The following SLC4A10 variants were observed in gnomAD, a reference collection of about 807,000 sequenced individuals.
SLC4A10 encodes the protein solute carrier family 4 member 10.
In SLC4A10, 42 loss-of-function variants were observed where a neutral mutation model predicts 137.7. The observed-to-expected ratio is 0.30, with a 90% confidence interval of 0.24 to 0.39. The LOEUF (loss-of-function observed/expected upper bound fraction) is 0.39. Ranked by LOEUF, SLC4A10 falls within the 10% of genes least tolerant of loss-of-function variation. The pLI is 1.00. For missense variants in SLC4A10, 925 were observed against 1,355.0 expected (o/e 0.68, Z 4.98); for synonymous variants, 474 against 464.1 (o/e 1.02, Z -0.27).
At chr2:161,723,041 T>C (rs3911105) in intron 1 of SLC4A10, among the ~76,000 whole-genome samples, 144,991 of 152,184 alleles carry the variant, frequency 0.95, 69,102 homozygotes, top group East Asian at 1. Context: ...GGAAAGCGGC[T>C]GACTGATGCT....
At chr2:161,650,690 C>A (rs1056084213) in intron 1 of SLC4A10, among the ~76,000 whole-genome samples, 1 of 152,190 alleles carries the variant, frequency 6.6e-6, no homozygotes, top group Non-Finnish European at 1.5e-5. Context: ...AGCCCAGGTG[C>A]GGTTGCAACC....
intron 6 of SLC4A10, among the ~76,000 whole-genome samples, chr2:161,866,383 A>G (rs1370874296): frequency 6.6e-6 from 1 of 151,970 alleles, no homozygotes; most frequent in Admixed American, 6.6e-5. Context: ...ATCTCTAAAC[A>G]CACTAGTTCA....
chr2:161,887,065 G>A (rs1042987968), intron 10 of SLC4A10, among the ~76,000 whole-genome samples: 1 of 151,968 alleles, frequency 6.6e-6, no homozygotes, highest in Non-Finnish European at 1.5e-5. Flanking sequence ...TCCTGTGTTA[G>A]TTTGCTGAGA....
intron 16 of SLC4A10, among the ~76,000 whole-genome samples, chr2:161,946,802 T>C (rs549781198): frequency 1.1e-4 from 16 of 152,184 alleles, no homozygotes; most frequent in Admixed American, 1.1e-3. Flanking sequence ...AAATAATCCA[T>C]GGAGAAGTCA....
In SLC4A10 at chr2:161,976,816, G is replaced by A; in HGVS notation, c.3284G>A (p.Arg1095Lys). 1 of 1,606,110 alleles carries A rather than the reference G, an allele frequency of 6.2e-7. No individual in the cohort carries two copies. Among genetic ancestry groups the A allele is most frequent in the Non-Finnish European group, 8.5e-7 (1 of 1,176,126 alleles). Residue 1095 changes from arginine (R) to lysine (K), a missense_variant, in exon 25 of 27, where the codon AGG (arginine) becomes AAG (lysine). Physicochemically the swap from Arg to Lys is conservative, Grantham distance 26. Transcript: ENST00000446997. ...SDEMSKTALW[R>K]NLLITADNSK... is the part of the protein sequence containing the mutation. Reference sequence around the variant, plus strand: ...GAAATGTCAAAGACTGCCTTGTGGAGGAACCTTCTGATTACTGCCGATAAC... The same window carrying A: ...GAAATGTCAAAGACTGCCTTGTGGAAGAACCTTCTGATTACTGCCGATAAC...
chr2:161,750,145 CTTAG>C (rs895665867), intron 1 of SLC4A10, among the ~76,000 whole-genome samples: 40 of 151,008 alleles, frequency 2.6e-4, no homozygotes, highest in African/African-American at 5.1e-4. Flanking sequence ...CTCTTTTTTT[CTTAG>C]TTAGTCTAGC....
intron 23 of SLC4A10, among the ~76,000 whole-genome samples, chr2:161,966,735 CAAA>C (rs11322395): frequency 8.0e-6 from 1 of 125,634 alleles, no homozygotes; most frequent in Non-Finnish European, 1.8e-5. Flanking sequence ...GACTCCGTCT[CAAA>C]AAAAAAAAAA....
At chr2:161,904,502 C>A (rs1275583690) in intron 13 of SLC4A10, among the ~76,000 whole-genome samples, 1 of 152,156 alleles carries the variant, frequency 6.6e-6, no homozygotes, top group Non-Finnish European at 1.5e-5. Flanking sequence ...ATGTTTCTGT[C>A]CAGACACTAA....
intron 9 of SLC4A10, among the ~76,000 whole-genome samples, chr2:161,882,079 AT>A (rs1553606413): frequency 6.6e-6 from 1 of 151,804 alleles, no homozygotes; most frequent in Non-Finnish European, 1.5e-5. Flanking sequence ...AAAATTCCCA[AT>A]AACAACTGCA....
At chr2:161,882,852 A>G (rs1266226723) in intron 10 of SLC4A10, among the ~76,000 whole-genome samples, 1 of 152,238 alleles carries the variant, frequency 6.6e-6, no homozygotes, top group South Asian at 2.1e-4. Context: ...TGCAACATCT[A>G]TCAACTCTCT....
At position 161,706,568 on chromosome 2, in the gene SLC4A10, C is replaced by T. The variant is rs149141476; in HGVS notation, c.49-64405C>T. On this transcript the variant is annotated intron_variant, in intron 1 of 26. Coordinates refer to ENST00000446997, the MANE Select transcript of SLC4A10 (RefSeq NM_001178015.2). ...ATTCTCCTGATTTGTCTCCCGTCCT[C>T]CAGTTTTGTTTTACTCAATTGATTG... 6.7e-3 allele frequency among the ~76,000 whole-genome samples: 1,018 copies of T among 151,640 alleles called. 7 individuals carry two copies. The highest frequency in any genetic ancestry group is 0.016 in the South Asian group (79 of 4,822).
intron 1 of SLC4A10, among the ~76,000 whole-genome samples, chr2:161,652,835 C>G (rs1472503601): frequency 7.6e-6 from 1 of 131,716 alleles, no homozygotes; most frequent in African/African-American, 2.8e-5. Flanking sequence ...ATGCTTCATA[C>G]AACTGCAGAA....
At chr2:161,933,189 TTCTTTCTTTCTTTC>T (rs1690798982) in intron 15 of SLC4A10, among the ~76,000 whole-genome samples, 2 of 54,492 alleles carry the variant, frequency 3.7e-5, no homozygotes, top group Admixed American at 3.2e-4. Flanking sequence ...CTTCTTTTCT[TTCTTTCTTTCTTTC>T]TTTCTTTCTT....
intron 1 of SLC4A10, among the ~76,000 whole-genome samples, chr2:161,714,972 T>C (rs1310458762): frequency 2.0e-5 from 3 of 152,018 alleles, no homozygotes; most frequent in Non-Finnish European, 4.4e-5. Context: ...TATATTTGTG[T>C]GTATACACAC....
chr2:161,894,124 A>T (rs907545048), intron 10 of SLC4A10, among the ~76,000 whole-genome samples: 1 of 152,064 alleles, frequency 6.6e-6, no homozygotes, highest in Non-Finnish European at 1.5e-5. Flanking sequence ...TTATGTAAGG[A>T]ACTCAAGTAT....
intron 1 of SLC4A10, among the ~76,000 whole-genome samples, chr2:161,681,548 T>C (rs1385703242): frequency 6.6e-6 from 1 of 152,130 alleles, no homozygotes; most frequent in Admixed American, 6.6e-5. Context: ...GTCAAAAACT[T>C]AGTAACTTTG....
At chr2:161,683,467 G>A (rs10201012) in intron 1 of SLC4A10, among the ~76,000 whole-genome samples, 4,972 of 152,170 alleles carry the variant, frequency 0.033, 272 homozygotes, top group African/African-American at 0.11. Flanking sequence ...AGTAGTGGAC[G>A]GTTGTATTAA....
At chr2:161,938,644 A>G (rs1460360846) in intron 15 of SLC4A10, among the ~76,000 whole-genome samples, 2 of 151,568 alleles carry the variant, frequency 1.3e-5, no homozygotes, top group Non-Finnish European at 1.5e-5. Flanking sequence ...GAAGGGCATG[A>G]TATGTACAAG....
chr2:161,879,235 G>T lies in SLC4A10; in HGVS notation c.1053G>T (p.Arg351Ser). ...FLDRTVVAFV[R>S]LSPAVLLQGL... ...ATCGAACAGTAGTTGCGTTTGTCAG[G>T]TTGTCTCCAGCTGTATTGCTTCAAG... The change falls in exon 9 of 27, where the codon AGG becomes AGT. Residue 351 changes from arginine (R) to serine (S), a missense_variant. This residue lies in a region of SLC4A10 where 277 missense variants were observed against 306.1 expected (regional missense o/e 0.90). Coordinates refer to ENST00000446997, the MANE Select transcript of SLC4A10 (RefSeq NM_001178015.2). 1 of 1,613,330 alleles carries T rather than the reference G, an allele frequency of 6.2e-7. No homozygotes were observed. The highest frequency in any genetic ancestry group is 1.1e-5 in the South Asian group (1 of 91,044).
Sources: gnomAD v4.1 joint callset for allele counts (sites outside exome capture counted in the v4.1 genomes callset) on GRCh38, gnomAD v4.1.1 for gene constraint, gnomAD v4.1.1 regional missense constraint, MANE v1.5 for transcripts, NCBI Gene and HGNC (gene_info 2026-07-23, HGNC 2026-07-21) for gene names.